Variants in MAGI1 observed in about 807,000 individuals in gnomAD.
MAGI1 encodes membrane associated guanylate kinase, WW and PDZ domain containing 1.
A neutral mutation model predicts 139.9 loss-of-function variants in MAGI1; 58 were observed. That is an observed-to-expected ratio of 0.41 (90% CI 0.34 to 0.52). The LOEUF is 0.52. MAGI1 is among the 20% of genes least tolerant of loss of function. MAGI1 has a pLI of 0.12. For missense variants in MAGI1, 1,874 were observed against 1,901.6 expected (o/e 0.99, Z 0.27); for synonymous variants, 812 against 737.9 (o/e 1.10, Z -1.63).
chr3:65,979,881 T>C (rs1370156601), intron 1 of MAGI1, among the ~76,000 whole-genome samples: 1 of 152,290 alleles, frequency 6.6e-6, no homozygotes, highest in East Asian at 1.9e-4. Flanking sequence ...TATTCCAATA[T>C]TAAGCAGCAC....
chr3:65,474,394 G>A (rs2107597928), intron 4 of MAGI1, among the ~76,000 whole-genome samples: 1 of 152,274 alleles, frequency 6.6e-6, no homozygotes, highest in East Asian at 1.9e-4. Context: ...AGATGGAATG[G>A]GGAGACAGGG....
chr3:65,814,753 T>C (rs75810894), intron 1 of MAGI1, among the ~76,000 whole-genome samples: 5,427 of 152,290 alleles, frequency 0.036, 128 homozygotes, highest in Middle Eastern at 0.051. Flanking sequence ...ATGGCTGTCA[T>C]CTTTTTATGT....
At chr3:65,417,743 G>A (rs557957737) in intron 12 of MAGI1, among the ~76,000 whole-genome samples, 6 of 152,134 alleles carry the variant, frequency 3.9e-5, no homozygotes, top group African/African-American at 1.4e-4. Context: ...CAAGAGTAAG[G>A]ACAGATGTAA....
At chr3:65,402,037 G>T in intron 12 of MAGI1, 1 of 337,114 alleles carries the variant, frequency 3.0e-6, no homozygotes, top group Non-Finnish European at 4.2e-6. Flanking sequence ...ATGCTCTTTT[G>T]CCAACACAGA....
rs750128468 is a variant in MAGI1, at chr3:65,381,903, G to A, written c.2675C>T (p.Thr892Met). 1.2e-5 allele frequency: 19 copies of A among 1,613,612 alleles called. No homozygotes were observed. Among genetic ancestry groups the A allele is most frequent in the East Asian group, 2.2e-5 (1 of 44,872 alleles). Residue 892 changes from threonine to methionine, a missense_variant, in exon 16 of 23, where the codon ACG becomes ATG. This residue lies in a region of MAGI1 where 482 missense variants were observed against 509.6 expected (regional missense o/e 0.95). Coordinates refer to ENST00000402939, the MANE Select transcript of MAGI1 (RefSeq NM_001033057.2). ...CGCAAAAACCACTTTACGCCGCACC[G>A]TGAGATTGACGTGGCCTTGCTTGGC... is the stretch of plus-strand genomic sequence containing the variant. ...QAAKQGHVNL[T>M]VRRKVVFAVP...
intron 2 of MAGI1, among the ~76,000 whole-genome samples, chr3:65,545,752 G>GA (rs1394078225): frequency 6.6e-6 from 1 of 151,750 alleles, no homozygotes; most frequent in African/African-American, 2.4e-5. Flanking sequence ...TATTTTATAG[G>GA]AATTCCATCT....
chr3:65,690,720 T>TCCTCCTC, intron 1 of MAGI1, among the ~76,000 whole-genome samples: 1 of 115,858 alleles, frequency 8.6e-6, no homozygotes, highest in Admixed American at 8.3e-5. Flanking sequence ...CCTCAAGTGA[T>TCCTCCTC]CCACCTCCCA....
chr3:65,870,934 ATAT>A (rs1247472857), intron 1 of MAGI1, among the ~76,000 whole-genome samples: 2 of 151,092 alleles, frequency 1.3e-5, no homozygotes, highest in Admixed American at 6.6e-5. Flanking sequence ...ACACATATAA[ATAT>A]AAGTACAAAA....
intron 22 of MAGI1, among the ~76,000 whole-genome samples, chr3:65,358,643 T>A (rs1272009555): frequency 6.6e-6 from 1 of 152,170 alleles, no homozygotes; most frequent in African/African-American, 2.4e-5. Flanking sequence ...AAAACTTTAC[T>A]TACAAAAACA....
chr3:66,009,709 T>C (rs2067223213), intron 1 of MAGI1, among the ~76,000 whole-genome samples: 1 of 152,084 alleles, frequency 6.6e-6, no homozygotes, highest in Non-Finnish European at 1.5e-5. Flanking sequence ...AAAAAATGTA[T>C]ATCTTTACAC....
chr3:65,599,065 T>C (rs1207763174), intron 2 of MAGI1, among the ~76,000 whole-genome samples: 1 of 152,154 alleles, frequency 6.6e-6, no homozygotes, highest in Non-Finnish European at 1.5e-5. Flanking sequence ...AATTCATTAC[T>C]ACAACTTGGA....
At chr3:65,938,569 C>A (rs1055929741) in intron 1 of MAGI1, among the ~76,000 whole-genome samples, 1 of 151,894 alleles carries the variant, frequency 6.6e-6, no homozygotes, top group Non-Finnish European at 1.5e-5. Context: ...AGAGACTTGA[C>A]ACTTCTTCCT....
intron 1 of MAGI1, among the ~76,000 whole-genome samples, chr3:65,893,119 C>A (rs1041693388): frequency 6.6e-6 from 1 of 152,154 alleles, no homozygotes; most frequent in Non-Finnish European, 1.5e-5. Flanking sequence ...TGGTAAAAGG[C>A]TACAGTGCAG....
At position 65,941,346 on chromosome 3, in the gene MAGI1, CA is replaced by C. The variant is rs571392999; in HGVS notation, c.313+96649del. The stretch of plus-strand genomic sequence containing the variant: ...TAGGTGACACAGCAAGACTCCGTCT[CA>C]AAAAAAAAAAAAGAATTATATTGCC... On this transcript the variant is annotated intron_variant, in intron 1 of 22. Coordinates refer to ENST00000402939, the MANE Select transcript of MAGI1 (RefSeq NM_001033057.2). Among the ~76,000 whole-genome samples the C allele has an allele frequency of 8.5e-3, 1,111 of 130,336 alleles. 8 individuals are homozygous for C. The highest frequency in any genetic ancestry group is 0.024 in the African/African-American group (875 of 36,338). The allele number at this position is 130,336 out of a possible 152,430, so 85.5% of individuals were successfully genotyped here.
At position 65,355,509 on chromosome 3, in the gene MAGI1, T is replaced by C. The variant is rs1282293554; in HGVS notation, c.*869A>G. The stretch of plus-strand genomic sequence containing the variant: ...CCAGGCACACTGTCCCCCCATTCCA[T>C]CTACTATTCAGCCTCCAATCAGACG... On this transcript the variant is annotated 3_prime_UTR_variant, in exon 23 of 23. Transcript: ENST00000402939. 1 of 152,390 alleles carries C rather than the reference T, an allele frequency of 6.6e-6. No homozygotes were observed. Among genetic ancestry groups the C allele is most frequent in the Non-Finnish European group, 1.5e-5 (1 of 68,056 alleles). 9.4% of individuals were successfully genotyped at this position (152,390 alleles called of 1,614,324 possible). A position where few individuals can be genotyped will look rare whatever the true frequency, so the allele number is the denominator to read the frequency against.
intron 1 of MAGI1, among the ~76,000 whole-genome samples, chr3:65,926,430 G>T (rs2062522847): frequency 6.7e-6 from 1 of 149,222 alleles, no homozygotes; most frequent in Non-Finnish European, 1.5e-5. Flanking sequence ...ACTCCATCTT[G>T]AAAAGGGGCT....
chr3:65,983,907 T>C (rs1047610916), intron 1 of MAGI1, among the ~76,000 whole-genome samples: 3 of 152,234 alleles, frequency 2.0e-5, no homozygotes, highest in Admixed American at 1.3e-4. Context: ...AATGAGTTAA[T>C]GCATCTAAAG....
At chr3:65,674,213 G>C (rs796695119) in intron 1 of MAGI1, among the ~76,000 whole-genome samples, 18 of 152,294 alleles carry the variant, frequency 1.2e-4, no homozygotes, top group African/African-American at 3.6e-4. Context: ...AAGTAGCTAA[G>C]ATTTCTGCAT....
chr3:65,470,481 T>A lies in MAGI1; in HGVS notation c.761A>T (p.Asp254Val), dbSNP rs62255275. The A allele has an allele frequency of 6.4e-3, 10,283 of 1,607,588 alleles. 62 individuals are homozygous for A. Among genetic ancestry groups the A allele is most frequent in the Non-Finnish European group, 7.9e-3 (9,283 of 1,177,156 alleles). ...AGTGTGCTCCTCTTGTTCACCAGAA[T>A]CGGCTGCTTAATCATGTGAAGAGGT... ...VPEMNSSFTADSGEQEEHTLQ... is the reference protein window; with the variant it reads ...VPEMNSSFTAVSGEQEEHTLQ... Residue 254 changes from aspartate to valine, a missense_variant, in exon 5 of 23, where the codon GAT (aspartate) becomes GTT (valine). Around this residue, in one of 5 missense-constraint regions of MAGI1, gnomAD observed 648 missense variants for 598.1 expected, o/e 1.08. Transcript: ENST00000402939.
Sources: gnomAD v4.1 joint callset for allele counts (sites outside exome capture counted in the v4.1 genomes callset) on GRCh38, gnomAD v4.1.1 for gene constraint, gnomAD v4.1.1 regional missense constraint, MANE v1.5 for transcripts, NCBI Gene and HGNC (gene_info 2026-07-23, HGNC 2026-07-21) for gene names.